The following HS3ST4 variants were observed in gnomAD, a reference collection of about 807,000 sequenced individuals.
HS3ST4 encodes heparan sulfate glucosamine 3-O-sulfotransferase 4.
A neutral mutation model predicts 29.2 loss-of-function variants in HS3ST4; 17 were observed. The observed-to-expected ratio is 0.58, with a 90% CI of 0.40 to 0.87. The LOEUF (loss-of-function observed/expected upper bound fraction) is 0.87, where lower values mean the gene tolerates loss of function less well. Among genes scored for constraint, HS3ST4 ranks in the 40% least tolerant of loss-of-function variants. The probability of loss-of-function intolerance (pLI) is 0.00; values close to 1 mark genes in which losing one functional copy is unlikely to be tolerated. For missense variants in HS3ST4, 627 were observed against 634.5 expected (o/e 0.99, Z 0.13); for synonymous variants, 314 against 285.7 (o/e 1.10, Z -1.00).
At chr16:25,857,919 C>CTTTCTTTCTTTCTTTCTTT (rs1555469154) in intron 1 of HS3ST4, among the ~76,000 whole-genome samples, 20 of 58,092 alleles carry the variant, frequency 3.4e-4, no homozygotes, top group East Asian at 9.1e-4. Context: ...TTCCTTCCTT[C>CTTTCTTTCTTTCTTTCTTT]CTTTCTTTCT....
intron 1 of HS3ST4, among the ~76,000 whole-genome samples, chr16:25,724,878 A>G (rs1325136983): frequency 1.3e-5 from 2 of 151,230 alleles, no homozygotes; most frequent in Non-Finnish European, 1.5e-5. Flanking sequence ...GGTGGCTGAA[A>G]TCTCTAGTCA....
At chr16:25,700,667 G>C (rs1054152561) in intron 1 of HS3ST4, among the ~76,000 whole-genome samples, 2 of 152,132 alleles carry the variant, frequency 1.3e-5, no homozygotes, top group Non-Finnish European at 1.5e-5. Flanking sequence ...CTCTGGAATG[G>C]ATTGAACCAC....
chr16:25,859,629 T>C (rs1238205875), intron 1 of HS3ST4, among the ~76,000 whole-genome samples: 1 of 152,176 alleles, frequency 6.6e-6, no homozygotes, highest in South Asian at 2.1e-4. Flanking sequence ...TATTCCATGG[T>C]ATAAATCTTG....
intron 1 of HS3ST4, among the ~76,000 whole-genome samples, chr16:25,976,930 C>CAT (rs5816341): frequency 0.91 from 138,366 of 152,024 alleles, 63,096 homozygotes; most frequent in Admixed American, 0.95. Flanking sequence ...GTAATTTTCA[C>CAT]GTCGCAAAAT....
At chr16:26,016,600 T>A (rs1250352312) in intron 1 of HS3ST4, among the ~76,000 whole-genome samples, 1 of 152,208 alleles carries the variant, frequency 6.6e-6, no homozygotes, top group Non-Finnish European at 1.5e-5. Context: ...GTGTTTTGTT[T>A]CTGTTTCTGA....
At chr16:25,847,081 C>T (rs949305041) in intron 1 of HS3ST4, among the ~76,000 whole-genome samples, 1 of 140,518 alleles carries the variant, frequency 7.1e-6, no homozygotes. Flanking sequence ...TATTAGCTTT[C>T]TTTAAAACAT....
intron 1 of HS3ST4, among the ~76,000 whole-genome samples, chr16:25,838,686 G>C (rs1469183530): frequency 6.6e-6 from 1 of 152,074 alleles, no homozygotes; most frequent in Non-Finnish European, 1.5e-5. Context: ...GCCCACTCTT[G>C]AGATCTATAA....
At chr16:25,878,106 C>T (rs1439998917) in intron 1 of HS3ST4, among the ~76,000 whole-genome samples, 1 of 152,108 alleles carries the variant, frequency 6.6e-6, no homozygotes, top group Non-Finnish European at 1.5e-5. Flanking sequence ...CACCATTCAC[C>T]ACCTAAATGA....
At chr16:25,783,630 T>C (rs1180027852) in intron 1 of HS3ST4, among the ~76,000 whole-genome samples, 1 of 152,232 alleles carries the variant, frequency 6.6e-6, no homozygotes, top group Non-Finnish European at 1.5e-5. Flanking sequence ...TTTGTGCTTA[T>C]TCAGCCGCTG....
chr16:25,907,577 T>C (rs949506551), intron 1 of HS3ST4, among the ~76,000 whole-genome samples: 37 of 152,106 alleles, frequency 2.4e-4, no homozygotes, highest in Non-Finnish European at 4.0e-4. Flanking sequence ...GCTGGACAGC[T>C]CAAAGCACAC....
At chr16:25,820,609 A>T (rs937907042) in intron 1 of HS3ST4, among the ~76,000 whole-genome samples, 14 of 150,774 alleles carry the variant, frequency 9.3e-5, no homozygotes, top group African/African-American at 2.9e-4. Flanking sequence ...TTTTATTTTT[A>T]TTTTTTTGTA....
intron 1 of HS3ST4, among the ~76,000 whole-genome samples, chr16:26,006,339 A>G (rs530376276): frequency 6.8e-6 from 1 of 147,948 alleles, no homozygotes; most frequent in South Asian, 2.1e-4. Context: ...GCTCAAGTAC[A>G]GTTTTGTTTG....
intron 1 of HS3ST4, among the ~76,000 whole-genome samples, chr16:25,943,556 T>C (rs1164364189): frequency 6.6e-6 from 1 of 152,088 alleles, no homozygotes; most frequent in African/African-American, 2.4e-5. Context: ...ATAGTACTTA[T>C]GTTTAAAAAA....
At chr16:25,865,655 C>T (rs934104029) in intron 1 of HS3ST4, among the ~76,000 whole-genome samples, 1 of 152,104 alleles carries the variant, frequency 6.6e-6, no homozygotes, top group Non-Finnish European at 1.5e-5. Flanking sequence ...ATAGAAAAAT[C>T]AGAAGTAAAT....
Position 25,751,261 on chromosome 16 carries a change from G to A in HS3ST4, c.734+58110G>A, listed in dbSNP as rs141763515. The stretch of plus-strand genomic sequence containing the variant: ...CCTCTGAAAGTGCGTGTGTGCGGAT[G>A]TGGATGGATGTGTGTATTTATGTGT... On this transcript the variant is annotated intron_variant, in intron 1 of 1. Coordinates refer to ENST00000331351, the MANE Select transcript of HS3ST4 (RefSeq NM_006040.3). Among the ~76,000 whole-genome samples the A allele has an allele frequency of 2.8e-3, 423 of 152,296 alleles. 4 individuals are homozygous for A. The highest frequency in any genetic ancestry group is 9.8e-3 in the African/African-American group (406 of 41,556).
chr16:25,831,483 C>G (rs1010183388), intron 1 of HS3ST4, among the ~76,000 whole-genome samples: 2 of 151,260 alleles, frequency 1.3e-5, no homozygotes, highest in South Asian at 2.1e-4. Flanking sequence ...CCCAGCTACT[C>G]GGGAGACTGA....
intron 1 of HS3ST4, among the ~76,000 whole-genome samples, chr16:25,915,476 G>A (rs912414281): frequency 9.9e-5 from 15 of 152,092 alleles, no homozygotes; most frequent in Admixed American, 4.6e-4. Context: ...AAAATTCCAA[G>A]AGCATAACAT....
chr16:25,947,816 G>A (rs1166679091), intron 1 of HS3ST4, among the ~76,000 whole-genome samples: 2 of 152,092 alleles, frequency 1.3e-5, no homozygotes, highest in African/African-American at 4.8e-5. Context: ...AGGCTTCGAG[G>A]CAATGCTTTG....
At chr16:25,984,092 T>C (rs942270181) in intron 1 of HS3ST4, among the ~76,000 whole-genome samples, 2 of 152,168 alleles carry the variant, frequency 1.3e-5, no homozygotes, top group Non-Finnish European at 2.9e-5. Flanking sequence ...GGGTCCTCCT[T>C]GTAGCTATGT....
Sources: gnomAD v4.1 joint callset for allele counts (sites outside exome capture counted in the v4.1 genomes callset) on GRCh38, gnomAD v4.1.1 for gene constraint, MANE v1.5 for transcripts, NCBI Gene and HGNC (gene_info 2026-07-23, HGNC 2026-07-21) for gene names.